PCDH7: variants seen among roughly 807,000 people sequenced by gnomAD.
PCDH7 encodes protocadherin 7.
Under a neutral mutation model 58.9 loss-of-function variants are expected in PCDH7, and 17 were observed. That is an observed-to-expected ratio of 0.29 (90% CI 0.20 to 0.43). The LOEUF is 0.43. PCDH7 is among the 20% of genes least tolerant of loss of function. The probability of loss-of-function intolerance (pLI) is 1.00; values close to 1 mark genes in which losing one functional copy is unlikely to be tolerated. For synonymous variants in PCDH7, 664 were observed against 616.4 expected, an observed-to-expected ratio of 1.08 and a Z score of -1.14; for missense variants, 1,274 against 1,441.0, an observed-to-expected ratio of 0.88 and a Z score of 1.88.
chr4:30,760,609 A>T (rs961803234), intron 1 of PCDH7, among the ~76,000 whole-genome samples: 2 of 152,136 alleles, frequency 1.3e-5, no homozygotes, highest in African/African-American at 4.8e-5. Flanking sequence ...CCACAAAGAG[A>T]ATAAAATACC....
rs58475897 is a variant in PCDH7 at position 31,051,839 on chromosome 4, G to A, written c.*8-90634G>A. 3.5e-3 allele frequency among the ~76,000 whole-genome samples: 517 copies of A among 149,844 alleles called. 6 individuals are homozygous for A. Among genetic ancestry groups the A allele is most frequent in the African/African-American group, 0.012 (499 of 40,648 alleles). ...AAGCATTGTTGGGTGTGTGTGGGGG[G>A]CGGGTAGGGGAATTGTTCATGATAT... is the stretch of plus-strand genomic sequence containing the variant. On this transcript the variant is annotated intron_variant, in intron 3 of 3. Transcript: ENST00000509759.
intron 1 of PCDH7, among the ~76,000 whole-genome samples, chr4:30,834,298 T>C (rs535949596): frequency 4.8e-4 from 73 of 152,196 alleles, no homozygotes; most frequent in Non-Finnish European, 7.9e-4. Context: ...CAAAGGGCCC[T>C]GCTTTTTCCT....
chr4:31,041,630 A>G (rs1437428034), intron 3 of PCDH7, among the ~76,000 whole-genome samples: 1 of 152,010 alleles, frequency 6.6e-6, no homozygotes, highest in Non-Finnish European at 1.5e-5. Context: ...GTCCCCAACT[A>G]GACCATTGTT....
intron 3 of PCDH7, among the ~76,000 whole-genome samples, chr4:31,040,200 AT>A (rs2109202725): frequency 6.6e-6 from 1 of 152,336 alleles, no homozygotes; most frequent in South Asian, 2.1e-4. Context: ...CAATCAGGAT[AT>A]AGAATATTTC....
chr4:30,759,807 C>A (rs1427823684), intron 1 of PCDH7, among the ~76,000 whole-genome samples: 1 of 152,084 alleles, frequency 6.6e-6, no homozygotes, highest in East Asian at 1.9e-4. Context: ...GAAAGTGCCA[C>A]CATTGTATTT....
intron 1 of PCDH7, among the ~76,000 whole-genome samples, chr4:30,859,314 C>T (rs1234974181): frequency 6.6e-6 from 1 of 152,100 alleles, no homozygotes; most frequent in African/African-American, 2.4e-5. Context: ...ACACTGACAT[C>T]AGATTAGGTC....
At chr4:31,101,358 T>G (rs1714870357) in intron 3 of PCDH7, among the ~76,000 whole-genome samples, 1 of 152,206 alleles carries the variant, frequency 6.6e-6, no homozygotes, top group Non-Finnish European at 1.5e-5. Context: ...AAAAAAGATT[T>G]TTTTCAGTGA....
At chr4:30,863,109 G>A (rs181318951) in intron 1 of PCDH7, among the ~76,000 whole-genome samples, 58 of 152,148 alleles carry the variant, frequency 3.8e-4, no homozygotes, top group African/African-American at 1.2e-3. Context: ...TATGTGTTCC[G>A]GGATCAGAGT....
chr4:31,025,545 T>C (rs1342210384), intron 3 of PCDH7, among the ~76,000 whole-genome samples: 1 of 152,202 alleles, frequency 6.6e-6, no homozygotes, highest in African/African-American at 2.4e-5. Context: ...TGTTTTGAAG[T>C]AGATGATTTA....
At chr4:30,962,329 C>G (rs1748512518) in intron 3 of PCDH7, among the ~76,000 whole-genome samples, 1 of 152,130 alleles carries the variant, frequency 6.6e-6, no homozygotes, top group Admixed American at 6.5e-5. Context: ...AGAGCACATG[C>G]CAAGATGTAT....
intron 3 of PCDH7, among the ~76,000 whole-genome samples, chr4:31,087,445 G>A (rs375967412): frequency 1.8e-4 from 27 of 152,152 alleles, no homozygotes; most frequent in Middle Eastern, 3.4e-3. Flanking sequence ...GATATTCTCA[G>A]AAAAACCATG....
intron 3 of PCDH7, among the ~76,000 whole-genome samples, chr4:31,037,235 G>T (rs1755485604): frequency 6.6e-6 from 1 of 152,054 alleles, no homozygotes; most frequent in Non-Finnish European, 1.5e-5. Flanking sequence ...GAAAACTCTT[G>T]CCTGATCTCC....
rs968772616 is a variant in PCDH7 at position 30,721,100 on chromosome 4, C to T, written c.-323C>T. 30 of 317,922 alleles carry T rather than the reference C, an allele frequency of 9.4e-5. No individual in the cohort carries two copies. Among genetic ancestry groups the T allele is most frequent in the East Asian group, 5.7e-4 (10 of 17,646 alleles). 19.7% of individuals were successfully genotyped at this position (317,922 alleles called of 1,614,324 possible). Reference sequence around the variant, plus strand: ...CTGGGTTGGGGGAGCGCCGAACCCGCGGCGCGCAGTGTCCCGTGAACTGTG... The same window carrying T: ...CTGGGTTGGGGGAGCGCCGAACCCGTGGCGCGCAGTGTCCCGTGAACTGTG... On this transcript the variant is annotated 5_prime_UTR_variant, in exon 1 of 2. Coordinates refer to ENST00000361762, the Ensembl canonical transcript of PCDH7. The surrounding 1 kb of genome is among the most constrained non-coding windows in gnomAD (Gnocchi z 6.7).
chr4:31,135,219 G>A (rs1248703693), intron 3 of PCDH7, among the ~76,000 whole-genome samples: 1 of 152,078 alleles, frequency 6.6e-6, no homozygotes, highest in African/African-American at 2.4e-5. Context: ...GCTGCTCCTC[G>A]TGCTGCCCAT....
chr4:30,955,756 C>G (rs1363469238), intron 3 of PCDH7, among the ~76,000 whole-genome samples: 1 of 151,570 alleles, frequency 6.6e-6, no homozygotes, highest in Non-Finnish European at 1.5e-5. Flanking sequence ...ACCATGTTGA[C>G]CAGGCTGGTC....
chr4:31,012,323 G>T (rs1753258757), intron 3 of PCDH7, among the ~76,000 whole-genome samples: 1 of 151,364 alleles, frequency 6.6e-6, no homozygotes, highest in Non-Finnish European at 1.5e-5. Flanking sequence ...TAATTTATTT[G>T]TCATGTTGGT....
intron 1 of PCDH7, among the ~76,000 whole-genome samples, chr4:30,757,035 TTCTACA>T (rs1202258913): frequency 6.6e-6 from 1 of 152,160 alleles, no homozygotes; most frequent in Non-Finnish European, 1.5e-5. Context: ...CTCCAAACAG[TTCTACA>T]TCTTTTTCAT....
chr4:30,813,936 A>T, intron 1 of PCDH7, among the ~76,000 whole-genome samples: 1 of 152,164 alleles, frequency 6.6e-6, no homozygotes, highest in East Asian at 1.9e-4. Flanking sequence ...TACCGCGCCC[A>T]ATCGGCTTAC....
At chr4:30,805,829 T>G (rs1726126569) in intron 1 of PCDH7, among the ~76,000 whole-genome samples, 1 of 152,228 alleles carries the variant, frequency 6.6e-6, no homozygotes, top group Non-Finnish European at 1.5e-5. Flanking sequence ...TTTGCTCTGT[T>G]TCTCTGACAC....
Sources: allele counts gnomAD v4.1 joint callset (sites outside exome capture counted in the v4.1 genomes callset), GRCh38; gene constraint gnomAD v4.1.1; non-coding constraint Gnocchi (gnomAD v3.1); transcripts MANE v1.5; gene names NCBI Gene and HGNC (gene_info 2026-07-23, HGNC 2026-07-21).